Variants in RNF220 observed in about 807,000 individuals in gnomAD.
RNF220 encodes the protein ring finger protein 220.
Under a neutral mutation model 67.1 loss-of-function variants are expected in RNF220, and 7 were observed. That is an observed-to-expected ratio of 0.10 (90% CI 0.06 to 0.20). RNF220 has a LOEUF of 0.20. Among genes scored for constraint, RNF220 ranks in the 10% least tolerant of loss-of-function variants. The pLI is 1.00. For synonymous variants in RNF220, 270 were observed against 283.2 expected (o/e 0.95, Z 0.47); for missense variants, 565 against 740.3 (o/e 0.76, Z 2.75).
rs772095904 is a variant in RNF220 at position 44,632,400 on chromosome 1, G to GCCCCAGCCCC, written c.949+19_949+20insAGCCCCCCCC. ...CCGACTGAATGGTGAGTCCTGCCCG[G>GCCCCAGCCCC]CCCCTCCCTCCGCCCCACCCCCGGC... On this transcript the variant is annotated intron_variant, in intron 6 of 14. Transcript: ENST00000361799. The GCCCCAGCCCC allele has an allele frequency of 4.4e-6, 7 of 1,607,446 alleles. No individual in the cohort carries two copies. Among genetic ancestry groups the GCCCCAGCCCC allele is most frequent in the East Asian group, 2.2e-5 (1 of 44,634 alleles).
intron 2 of RNF220, among the ~76,000 whole-genome samples, chr1:44,611,647 C>T (rs1375990169): frequency 6.6e-6 from 1 of 152,100 alleles, no homozygotes; most frequent in Non-Finnish European, 1.5e-5. Context: ...CCTTGCTGGC[C>T]CCTTCCCACC....
intron 2 of RNF220, among the ~76,000 whole-genome samples, chr1:44,559,159 C>T (rs1176652091): frequency 2.0e-5 from 3 of 152,252 alleles, no homozygotes; most frequent in Non-Finnish European, 4.4e-5. Context: ...CCCTACTCCC[C>T]TGCCCTTTCC....
At chr1:44,481,658 T>C (rs1655825033) in intron 2 of RNF220, among the ~76,000 whole-genome samples, 1 of 152,130 alleles carries the variant, frequency 6.6e-6, no homozygotes, top group South Asian at 2.1e-4. Flanking sequence ...TTTTCTTTGG[T>C]TTGTTTTTCT....
chr1:44,407,352 A>AG (rs1431961878), intron 1 of RNF220, among the ~76,000 whole-genome samples: 2 of 152,100 alleles, frequency 1.3e-5, no homozygotes, highest in Admixed American at 6.5e-5. Context: ...CAGAGTGGGC[A>AG]GGGGGGCTTT....
intron 2 of RNF220, among the ~76,000 whole-genome samples, chr1:44,473,444 G>A (rs1655000049): frequency 1.5e-5 from 2 of 130,674 alleles, no homozygotes; most frequent in South Asian, 4.8e-4. Context: ...ACAGGACAGT[G>A]TAGAAAGGTG....
intron 2 of RNF220, among the ~76,000 whole-genome samples, chr1:44,475,215 T>C (rs1655185330): frequency 6.6e-6 from 1 of 152,188 alleles, no homozygotes; most frequent in Admixed American, 6.5e-5. Flanking sequence ...AGCAGACACA[T>C]ACCTTTGGCC....
At chr1:44,595,865 G>C (rs759631144) in intron 2 of RNF220, among the ~76,000 whole-genome samples, 1 of 152,046 alleles carries the variant, frequency 6.6e-6, no homozygotes, top group Non-Finnish European at 1.5e-5. Context: ...CCGGGTTCAC[G>C]CCATCCTCCC....
intron 2 of RNF220, among the ~76,000 whole-genome samples, chr1:44,486,822 A>C (rs1656351727): frequency 6.6e-6 from 1 of 152,192 alleles, no homozygotes; most frequent in Admixed American, 6.5e-5. Context: ...CAATGTCTCC[A>C]GGAGTCAATC....
At chr1:44,451,777 C>T (rs1447012488) in intron 2 of RNF220, among the ~76,000 whole-genome samples, 6 of 152,154 alleles carry the variant, frequency 3.9e-5, no homozygotes, top group South Asian at 4.1e-4. Flanking sequence ...TGGGCCACCA[C>T]GCTCAGCGAA....
chr1:44,550,434 C>T (rs998565907), intron 2 of RNF220, among the ~76,000 whole-genome samples: 2 of 152,148 alleles, frequency 1.3e-5, no homozygotes, highest in African/African-American at 4.8e-5. Flanking sequence ...TTGCAGAGTT[C>T]TGGACAGCAT....
At position 44,542,627 on chromosome 1, in the gene RNF220, C is replaced by T. The variant is rs187069602; in HGVS notation, c.626-71538C>T. Among the ~76,000 whole-genome samples, 6 of 152,286 alleles carry T rather than the reference C, an allele frequency of 3.9e-5. No homozygotes were observed. In the East Asian group the frequency reaches 9.7e-4, roughly 25 times the overall value. ...CTTGACAACAAGGGGCTGGGAGCCC[C>T]AGATGAAAGGCCATGGGGGCTGCAC... On this transcript the variant is annotated intron_variant, in intron 2 of 14. Transcript: ENST00000361799.
At position 44,645,631 on chromosome 1, in the gene RNF220, TG is replaced by T. The variant is rs1429835385; in HGVS notation, c.1445+145del. ...GCTGCCCTGGGCACACGGCCGGCAGTGGAGCCCAGCTGGTGCTAAGCGTGAC... is the reference window on the plus strand; with the variant it reads ...GCTGCCCTGGGCACACGGCCGGCAGTGAGCCCAGCTGGTGCTAAGCGTGAC... On this transcript the variant is annotated intron_variant, in intron 12 of 14. Transcript: ENST00000361799. This position sits in a 1 kb window ranked among gnomAD's most constrained non-coding sequence, Gnocchi z 5.0. 6 of 763,736 alleles carry T rather than the reference TG, an allele frequency of 7.9e-6. No homozygotes were observed. The highest frequency in any genetic ancestry group is 1.3e-5 in the Non-Finnish European group (6 of 461,198). The allele number at this position is 763,736 out of a possible 1,614,324, so 47.3% of individuals were successfully genotyped here. A position where few individuals can be genotyped will look rare whatever the true frequency, so the allele number is the denominator to read the frequency against.
chr1:44,459,554 C>T (rs1250792556), intron 2 of RNF220, among the ~76,000 whole-genome samples: 5 of 151,266 alleles, frequency 3.3e-5, no homozygotes, highest in African/African-American at 1.2e-4. Context: ...ACCCAGGAGA[C>T]GAAGTAAGGG....
chr1:44,430,638 T>C (rs7415931), intron 2 of RNF220, among the ~76,000 whole-genome samples: 15,317 of 152,224 alleles, frequency 0.1, 962 homozygotes, highest in Middle Eastern at 0.22. Context: ...CTCCGCCTCC[T>C]GGGTTCAAGC....
Position 44,645,241 on chromosome 1 carries a change from G to A in RNF220, c.1331G>A (p.Arg444His), listed in dbSNP as rs755340178. Reference protein sequence around the residue: ...AVLNGGPPSTRITPEFSKWAS... With the variant: ...AVLNGGPPSTHITPEFSKWAS... ...TCCAGTGGCGGCCCTCCCAGCACGC[G>A]CATCACACCTGAGTTCTCTAAATGG... The change falls in exon 11 of 15, where the codon CGC (arginine) becomes CAC (histidine). Residue 444 changes from arginine to histidine, a missense_variant. Coordinates refer to ENST00000361799, the MANE Select transcript of RNF220 (RefSeq NM_018150.4). This position sits in a 1 kb window ranked among gnomAD's most constrained non-coding sequence, Gnocchi z 5.0. The A allele has an allele frequency of 1.1e-5, 17 of 1,613,868 alleles. No homozygotes were observed. Among genetic ancestry groups the A allele is most frequent in the Non-Finnish European group, 1.4e-5 (16 of 1,180,002 alleles).
intron 3 of RNF220, among the ~76,000 whole-genome samples, chr1:44,615,929 C>T (rs1012876587): frequency 6.6e-6 from 1 of 152,204 alleles, no homozygotes; most frequent in African/African-American, 2.4e-5. Flanking sequence ...GGGAGTCTCT[C>T]ATGAAGCTGC....
At position 44,640,182 on chromosome 1, in the gene RNF220, A is replaced by G. The variant is rs542975121; in HGVS notation, c.1126+4020A>G. ...TAAGAGGTGTTGTAAGCCCCAGGGC[A>G]TGGGCACATAGGCCTTGCCCTAGCT... On this transcript the variant is annotated intron_variant, in intron 8 of 14. Coordinates refer to ENST00000361799, the MANE Select transcript of RNF220 (RefSeq NM_018150.4). Among the ~76,000 whole-genome samples the G allele has an allele frequency of 2.6e-5, 4 of 152,380 alleles. No individual in the cohort carries two copies. In the South Asian group the frequency reaches 8.3e-4, roughly 32 times the overall value.
chr1:44,483,714 G>T (rs1439801451), intron 2 of RNF220, among the ~76,000 whole-genome samples: 1 of 152,238 alleles, frequency 6.6e-6, no homozygotes, highest in African/African-American at 2.4e-5. Context: ...TCAGATCAGA[G>T]AGGGCCAAAG....
In RNF220 at chr1:44,651,103, A is replaced by G. The variant is rs1333826636; in HGVS notation, c.*328A>G. ...TAAGATCCAGCCCCCATACTGACAG[A>G]CGGACAGACAGACATGCAAACACCA... On this transcript the variant is annotated 3_prime_UTR_variant, in exon 15 of 15. Transcript: ENST00000361799. 2 of 404,730 alleles carry G rather than the reference A, an allele frequency of 4.9e-6. No individual in the cohort carries two copies. Among genetic ancestry groups the G allele is most frequent in the African/African-American group, 4.1e-5 (2 of 49,240 alleles). 25.1% of individuals were successfully genotyped at this position (404,730 alleles called of 1,614,324 possible). A position where few individuals can be genotyped will look rare whatever the true frequency, so the allele number is the denominator to read the frequency against.
Sources: allele counts gnomAD v4.1 joint callset (sites outside exome capture counted in the v4.1 genomes callset), GRCh38; gene constraint gnomAD v4.1.1; non-coding constraint Gnocchi (gnomAD v3.1); transcripts MANE v1.5; gene names NCBI Gene and HGNC (gene_info 2026-07-23, HGNC 2026-07-21).